Variants in PTRH1 observed in about 807,000 individuals in gnomAD.
PTRH1 encodes the protein peptidyl-tRNA hydrolase.
Under a neutral mutation model 15.7 loss-of-function variants are expected in PTRH1, and 13 were observed. The observed-to-expected ratio is 0.83, with a 90% CI of 0.54 to 1.31. The LOEUF is 1.31. Ranked by LOEUF, PTRH1 falls within the 40% of genes most tolerant of loss-of-function variation. PTRH1 has a pLI of 0.00. For missense variants in PTRH1, 319 were observed against 296.2 expected (o/e 1.08, Z -0.56); for synonymous variants, 139 against 136.7 (o/e 1.02, Z -0.12).
downstream of PTRH1, chr9:127,713,121 T>G: frequency 6.2e-7 from 1 of 1,612,718 alleles, no homozygotes. Flanking sequence ...CCTCGCCAGG[T>G]CCACATCCCA....
At chr9:127,712,811 A>G (rs374413353), downstream of PTRH1, 1 of 1,614,030 alleles carries the variant, frequency 6.2e-7, no homozygotes, top group Non-Finnish European at 8.5e-7. Context: ...CACTGTGGCC[A>G]CGAGACCTCA....
chr9:127,714,308 G>A lies in PTRH1; in HGVS notation c.463-26C>T, dbSNP rs755913569. 6.2e-6 allele frequency: 10 copies of A among 1,613,966 alleles called. No homozygotes were observed. The Admixed American group carries it at 6.7e-5, about 11-fold the overall frequency. On this transcript the variant is annotated intron_variant, in intron 4 of 4. Transcript: ENST00000543175. The stretch of plus-strand genomic sequence containing the variant: ...CTGTGGGAGAGCCAGAGAGGCCCAG[G>A]AAGCTTTGGCGAGGTGCTGGGGGAC...
downstream of PTRH1, chr9:127,712,503 A>G: frequency 6.8e-7 from 1 of 1,465,652 alleles, no homozygotes; most frequent in Non-Finnish European, 9.1e-7. Flanking sequence ...CTGGCCTTCA[A>G]AGATCCCTCC....
At position 127,715,439 on chromosome 9, in the gene PTRH1, TAAGAA is replaced by T. The variant is rs1361685315; in HGVS notation, c.96+100_96+104del. On this transcript the variant is annotated intron_variant, in intron 1 of 4. Coordinates refer to ENST00000543175, the MANE Select transcript of PTRH1 (RefSeq NM_001002913.3). This position sits in a 1 kb window ranked among gnomAD's most constrained non-coding sequence, Gnocchi z 5.8. Reference sequence around the variant, plus strand: ...CCCGTCGAGCACTGAACTCACCAGTTAAGAAAACAGAGCAGCAATTTGGGGGCACT... The same window carrying T: ...CCCGTCGAGCACTGAACTCACCAGTTAACAGAGCAGCAATTTGGGGGCACT... 6.6e-7 allele frequency: 1 copy of T among 1,511,318 alleles called. No individual in the cohort carries two copies. The highest frequency in any genetic ancestry group is 1.2e-5 in the South Asian group (1 of 85,942). The allele number at this position is 1,511,318 out of a possible 1,614,324, so 93.6% of individuals were successfully genotyped here.
intron 1 of PTRH1, among the ~76,000 whole-genome samples, chr9:127,696,580 C>T (rs904866615): frequency 6.6e-6 from 1 of 152,094 alleles, no homozygotes; most frequent in Non-Finnish European, 1.5e-5. Flanking sequence ...CATTATCATC[C>T]GGGTGCGGAG....
chr9:127,710,282 CAAAAAAA>C (rs60165824), downstream of PTRH1, among the ~76,000 whole-genome samples: 1 of 82,620 alleles, frequency 1.2e-5, no homozygotes, highest in African/African-American at 5.0e-5. Flanking sequence ...GACCCTGTCT[CAAAAAAA>C]AAAAAAAAAA....
chr9:127,702,373 CA>C (rs11347672), intron 1 of PTRH1, among the ~76,000 whole-genome samples: 7,168 of 79,006 alleles, frequency 0.091, 517 homozygotes, highest in African/African-American at 0.25. Context: ...ATTCCGTCTC[CA>C]AAAAAAAAAA....
chr9:127,712,078 A>T, downstream of PTRH1: 1 of 1,504,214 alleles, frequency 6.6e-7, no homozygotes, highest in Non-Finnish European at 8.9e-7. Context: ...AGACAGGCTG[A>T]GGCTTGGGGC....
intron 1 of PTRH1, among the ~76,000 whole-genome samples, chr9:127,703,054 G>A (rs1485487151): frequency 1.3e-5 from 2 of 151,750 alleles, no homozygotes; most frequent in Non-Finnish European, 2.9e-5. Context: ...TCCACTTTTT[G>A]TTCTGTTTCT....
chr9:127,714,208 G>A lies in PTRH1; in HGVS notation c.537C>T (p.Cys179=). The change falls in exon 5 of 5, where the codon TGC becomes TGT. Residue 179 remains cysteine, a synonymous_variant. Coordinates refer to ENST00000543175, the MANE Select transcript of PTRH1 (RefSeq NM_001002913.3). ...GCAGCTCCTGCTCAGCAGGGGAGAA[G>A]CAGCCCAGCACATGGGCCTGAACCG... The part of the protein sequence containing the change: ...PEAVQAHVLG[C]FSPAEQELLP... 1.2e-6 allele frequency: 2 copies of A among 1,613,970 alleles called. No individual in the cohort carries two copies. Among genetic ancestry groups the A allele is most frequent in the Non-Finnish European group, 1.7e-6 (2 of 1,180,010 alleles).
chr9:127,714,831 C>T (rs923246752), intron 2 of PTRH1, 129 bp from the exon 3 acceptor site: 29 of 1,058,134 alleles, frequency 2.7e-5, no homozygotes, highest in Non-Finnish European at 3.7e-5. Flanking sequence ...CCCCGAAGTA[C>T]CCAAAGCCAT....
chr9:127,700,623 T>C (rs1443400128), intron 1 of PTRH1, among the ~76,000 whole-genome samples: 1 of 152,166 alleles, frequency 6.6e-6, no homozygotes, highest in Non-Finnish European at 1.5e-5. Context: ...CAGAGCAGAC[T>C]CTTCTATGGC....
downstream of PTRH1, chr9:127,713,496 CTTTTTTTTTT>C (rs58502035): frequency 2.6e-4 from 24 of 90,932 alleles, 1 homozygote; most frequent in South Asian, 9.6e-4. Context: ...CAGCATCTTT[CTTTTTTTTTT>C]TTTTTTTTTT....
At chr9:127,699,677 GAAAGAC>G (rs1842589766) in intron 1 of PTRH1, among the ~76,000 whole-genome samples, 2 of 151,794 alleles carry the variant, frequency 1.3e-5, no homozygotes, top group African/African-American at 2.4e-5. Context: ...AAAGTAGGAT[GAAAGAC>G]TGTGCTGAGC....
At position 127,714,117 on chromosome 9, in the gene PTRH1, G is replaced by A. The variant is rs1357873238; in HGVS notation, c.628C>T (p.Pro210Ser). 1 of 1,613,118 alleles carries A rather than the reference G, an allele frequency of 6.2e-7. No homozygotes were observed. Among genetic ancestry groups the A allele is most frequent in the African/African-American group, 1.3e-5 (1 of 74,938 alleles). The change falls in exon 5 of 5, where the codon CCC (proline) becomes TCC (serine). Residue 210 changes from proline to serine, a missense_variant. Coordinates refer to ENST00000543175, the MANE Select transcript of PTRH1 (RefSeq NM_001002913.3). ...CACTAGTGTCACGGCCCCAGTGAGG[G>A]CCCCTGGCTTCGCTCACGGATGTGG... is the stretch of plus-strand genomic sequence containing the variant. ...LDHIRERSQG[P>S]SLGP
At chr9:127,709,621 G>A, downstream of PTRH1, 1 of 1,613,870 alleles carries the variant, frequency 6.2e-7, no homozygotes, top group Non-Finnish European at 8.5e-7. The surrounding 1 kb of genome is among the most constrained non-coding windows in gnomAD (Gnocchi z 4.7). Flanking sequence ...TGCCTTCGAG[G>A]CGCAGCTGGC....
In PTRH1 at chr9:127,714,909, C is replaced by G. The variant is rs575219003; in HGVS notation, c.316+66G>C. On this transcript the variant is annotated intron_variant, in intron 2 of 4. Transcript: ENST00000543175. ...GATCTGTCACAGCCAGTGCTCCCCT[C>G]TGGCCCCCGCGCCCCAACCCCCACC... The G allele has an allele frequency of 4.3e-4, 417 of 967,284 alleles. 2 individuals are homozygous for G. In the African/African-American group the frequency reaches 6.4e-3, roughly 15 times the overall value. The allele number at this position is 967,284 out of a possible 1,614,324, so 59.9% of individuals were successfully genotyped here.
downstream of PTRH1, chr9:127,711,262 C>T (rs1263640439): frequency 8.7e-6 from 14 of 1,614,036 alleles, no homozygotes; most frequent in South Asian, 1.1e-4. Flanking sequence ...GCGTGAACCT[C>T]GTGGCCAATG....
chr9:127,697,195 A>G (rs924270269), intron 1 of PTRH1, among the ~76,000 whole-genome samples: 3 of 152,246 alleles, frequency 2.0e-5, no homozygotes, highest in Admixed American at 1.3e-4. Flanking sequence ...AACCTAGTCC[A>G]TAAGCCAAGC....
Sources: gnomAD v4.1 joint callset for allele counts (sites outside exome capture counted in the v4.1 genomes callset) on GRCh38, gnomAD v4.1.1 for gene constraint, Gnocchi (gnomAD v3.1) non-coding constraint, MANE v1.5 for transcripts, NCBI Gene and HGNC (gene_info 2026-07-23, HGNC 2026-07-21) for gene names.